The following WLS variants were observed in gnomAD, a reference collection of about 807,000 sequenced individuals.
The protein encoded by WLS is Wnt ligand secretion mediator, also known as protein wntless homolog.
In WLS, 23 loss-of-function variants were observed where a neutral mutation model predicts 62.8. The observed-to-expected ratio is 0.37, with a 90% CI of 0.26 to 0.52. The LOEUF (loss-of-function observed/expected upper bound fraction) is 0.52, where lower values mean the gene tolerates loss of function less well. Among genes scored for constraint, WLS ranks in the 20% least tolerant of loss-of-function variants. The probability of loss-of-function intolerance (pLI) is 0.92; values close to 1 mark genes in which losing one functional copy is unlikely to be tolerated. For synonymous variants in WLS, 246 were observed against 244.1 expected, an observed-to-expected ratio of 1.01 and a Z score of -0.07; for missense variants, 615 against 697.3, an observed-to-expected ratio of 0.88 and a Z score of 1.33.
At chr1:68,120,864 GA>G (rs1570824467), downstream of WLS, among the ~76,000 whole-genome samples, 1 of 152,184 alleles carries the variant, frequency 6.6e-6, no homozygotes, top group East Asian at 1.9e-4. Flanking sequence ...ACTTGGAAAA[GA>G]CTTAACTGCT....
At chr1:68,186,701 C>G (rs1267209200) in intron 2 of WLS, 16 of 454,838 alleles carry the variant, frequency 3.5e-5, no homozygotes, top group Non-Finnish European at 6.6e-5. Context: ...AGTAGAGAGT[C>G]TCATGCATTC....
chr1:68,183,663 C>A (rs572495351), intron 2 of WLS: 1 of 368,790 alleles, frequency 2.7e-6, no homozygotes, highest in Non-Finnish European at 5.6e-6. Context: ...TGTTTATGAT[C>A]AATAGATTGT....
At chr1:68,207,950 T>A (rs1649351213) in intron 1 of WLS, among the ~76,000 whole-genome samples, 1 of 152,374 alleles carries the variant, frequency 6.6e-6, no homozygotes, top group South Asian at 2.1e-4. Flanking sequence ...TGTTCTCTGT[T>A]CTGTCTTCTT....
rs1199480657 is a variant in WLS at position 68,152,471 on chromosome 1, C to T, written c.803+1046G>A. 2.0e-5 allele frequency among the ~76,000 whole-genome samples: 3 copies of T among 152,034 alleles called. No homozygotes were observed. In the East Asian group the frequency reaches 5.8e-4, roughly 29 times the overall value. Reference sequence around the variant, plus strand: ...ATGCTGGTCAGCAAAGAAGAATGACCAACAGAAGGGTAGAGGAGACTCTGG... The same window carrying T: ...ATGCTGGTCAGCAAAGAAGAATGACTAACAGAAGGGTAGAGGAGACTCTGG... On this transcript the variant is annotated intron_variant, in intron 5 of 11. Coordinates refer to ENST00000262348, the MANE Select transcript of WLS (RefSeq NM_024911.7).
chr1:68,146,136 G>C, intron 8 of WLS, 124 bp from the exon 9 acceptor site: 1 of 1,118,068 alleles, frequency 8.9e-7, no homozygotes, highest in Non-Finnish European at 1.3e-6. Context: ...AAATTTTCAA[G>C]GGGATAAAAT....
At chr1:68,100,349 G>A (rs1570783716) in intron 11 of WLS, among the ~76,000 whole-genome samples, 1 of 152,130 alleles carries the variant, frequency 6.6e-6, no homozygotes, top group African/African-American at 2.4e-5. Flanking sequence ...TTCCCAGAGT[G>A]TCCACAGGTT....
intron 2 of WLS, among the ~76,000 whole-genome samples, chr1:68,185,318 C>T (rs1442085960): frequency 2.0e-5 from 3 of 152,178 alleles, no homozygotes; most frequent in African/African-American, 7.2e-5. Flanking sequence ...AAACACTTAA[C>T]TTATGCACGT....
chr1:68,180,642 TG>T (rs1280061549), intron 2 of WLS, among the ~76,000 whole-genome samples: 5 of 152,192 alleles, frequency 3.3e-5, no homozygotes, highest in African/African-American at 1.2e-4. Flanking sequence ...GTTTCTTTGT[TG>T]GATTACCAAT....
At chr1:68,213,349 G>T (rs966900324) in intron 1 of WLS, among the ~76,000 whole-genome samples, 9 of 151,514 alleles carry the variant, frequency 5.9e-5, no homozygotes, top group Non-Finnish European at 1.0e-4. Flanking sequence ...TACTCAGGAG[G>T]CTGAGGCAGG....
At chr1:68,162,850 A>G in intron 2 of WLS, 10 of 1,402,770 alleles carry the variant, frequency 7.1e-6, no homozygotes, top group Non-Finnish European at 1.0e-5. Flanking sequence ...GGTGTGGTAC[A>G]TCATGGTACC....
intron 11 of WLS, among the ~76,000 whole-genome samples, chr1:68,100,968 C>T (rs552900463): frequency 1.3e-5 from 2 of 152,214 alleles, no homozygotes; most frequent in Admixed American, 1.3e-4. Flanking sequence ...ATATTTATTG[C>T]CCCCTGTAAC....
At chr1:68,219,706 T>A (rs2772286) in intron 1 of WLS, among the ~76,000 whole-genome samples, 1 of 152,210 alleles carries the variant, frequency 6.6e-6, no homozygotes, top group East Asian at 1.9e-4. Flanking sequence ...ATTATTCTCA[T>A]ACAGCTTACA....
intron 2 of WLS, 41 bp downstream of exon 2, chr1:68,193,914 G>C: frequency 1.3e-6 from 2 of 1,588,780 alleles, no homozygotes; most frequent in East Asian, 2.2e-5. Flanking sequence ...AGAGGGCAAT[G>C]CTCAAAGGGA....
chr1:68,199,821 C>T (rs997428475), intron 1 of WLS, among the ~76,000 whole-genome samples: 1 of 152,142 alleles, frequency 6.6e-6, no homozygotes, highest in Admixed American at 6.5e-5. Flanking sequence ...CAAGGCCAGA[C>T]CAGAGATCTG....
chr1:68,105,218 T>C (rs1646127830), intron 11 of WLS, among the ~76,000 whole-genome samples: 1 of 152,242 alleles, frequency 6.6e-6, no homozygotes, highest in African/African-American at 2.4e-5. Context: ...ATAAGTAGTT[T>C]ACCTAAGAGT....
chr1:68,198,994 A>G (rs1052119702), intron 1 of WLS, among the ~76,000 whole-genome samples: 2 of 152,234 alleles, frequency 1.3e-5, no homozygotes, highest in Non-Finnish European at 2.9e-5. Flanking sequence ...GCTAGCATTT[A>G]TCATGCTTAA....
intron 11 of WLS, among the ~76,000 whole-genome samples, chr1:68,113,671 G>A (rs183431960): frequency 5.8e-4 from 89 of 152,250 alleles, no homozygotes; most frequent in Non-Finnish European, 9.6e-4. Context: ...GGTGTGTGGA[G>A]CAGCTGCATC....
chr1:68,162,782 T>C (rs78704661), intron 2 of WLS: 3 of 1,103,884 alleles, frequency 2.7e-6, no homozygotes, highest in Non-Finnish European at 4.2e-6. Flanking sequence ...CCACTGCCTA[T>C]CTGCACGATC....
intron 2 of WLS, among the ~76,000 whole-genome samples, chr1:68,182,131 T>C (rs1163334032): frequency 1.3e-5 from 2 of 152,236 alleles, no homozygotes; most frequent in Non-Finnish European, 2.9e-5. Context: ...AGAAAGTGTA[T>C]GTAACTAGAT....
Sources: allele counts gnomAD v4.1 joint callset (sites outside exome capture counted in the v4.1 genomes callset), GRCh38; gene constraint gnomAD v4.1.1; transcripts MANE v1.5; gene names NCBI Gene and HGNC (gene_info 2026-07-23, HGNC 2026-07-21).